The following RYR1 variants were observed in gnomAD, a reference collection of about 807,000 sequenced individuals.
The protein encoded by RYR1 is central core disease of muscle.
RYR1 carries 342 observed loss-of-function variants against 583.5 expected under a neutral mutation model. That is an observed-to-expected ratio of 0.59 (90% confidence interval 0.54 to 0.64). RYR1 has a LOEUF of 0.64. Among genes scored for constraint, RYR1 ranks in the 30% least tolerant of loss-of-function variants. RYR1 has a pLI of 0.00. For synonymous variants in RYR1, 2,791 were observed against 2,822.5 expected, an observed-to-expected ratio of 0.99 and a Z score of 0.35; for missense variants, 6,032 against 6,917.2, an observed-to-expected ratio of 0.87 and a Z score of 4.54.
chr19:38,490,192 T>C lies in RYR1; in HGVS notation c.5931T>C (p.Tyr1977=). The change falls in exon 36 of 106, where the codon TAT becomes TAC. Residue 1977 remains tyrosine, a synonymous_variant. Transcript: ENST00000359596. ...TCCAGGCCAACCAGCGGAGCCGCTA[T>C]GGCCTCCTCATAAAAGCCTTCAGCA... ...DKLQANQRSR[Y]GLLIKAFSMT... The C allele has an allele frequency of 1.2e-6, 2 of 1,614,238 alleles. No individual in the cohort carries two copies.
chr19:38,530,285 T>C (rs1971673364), intron 76 of RYR1, among the ~76,000 whole-genome samples: 1 of 151,406 alleles, frequency 6.6e-6, no homozygotes, highest in Non-Finnish European at 1.5e-5. Context: ...GATCTTGCTC[T>C]TCTTGCCCAG....
rs1329545932 is a variant in RYR1, at chr19:38,492,496, A to C, written c.6134A>C (p.Gln2045Pro). 1 of 1,614,152 alleles carries C rather than the reference A, an allele frequency of 6.2e-7. No homozygotes were observed. ...HQDLLAHCGI[Q>P]LDGEEEEPEE... Reference sequence around the variant, plus strand: ...CCTTCTTGACCACTTCCAGGAATTCAGCTAGATGGAGAGGAGGAGGAACCA... The same window carrying C: ...CCTTCTTGACCACTTCCAGGAATTCCGCTAGATGGAGAGGAGGAGGAACCA... The change falls in exon 38 of 106, where the codon CAG becomes CCG. Residue 2045 changes from glutamine to proline, a missense_variant. Around this residue, in one of 11 missense-constraint regions of RYR1, gnomAD observed 2,627 missense variants for 2,961.3 expected, o/e 0.89. Transcript: ENST00000359596.
intron 78 of RYR1, among the ~76,000 whole-genome samples, chr19:38,533,595 C>T (rs2145739986): frequency 6.6e-6 from 1 of 152,182 alleles, no homozygotes; most frequent in South Asian, 2.1e-4. Flanking sequence ...AGTTCAAGAC[C>T]AGCCTGGCCA....
At position 38,578,180 on chromosome 19, in the gene RYR1, G is replaced by T; in HGVS notation, c.14340G>T (p.Lys4780Asn). 1 of 1,613,852 alleles carries T rather than the reference G, an allele frequency of 6.2e-7. No individual in the cohort carries two copies. The highest frequency in any genetic ancestry group is 1.1e-5 in the South Asian group (1 of 91,040). ...TCGATGTCAAGTACCAGATCTGGAA[G>T]TTCGGGGTCATCTTCACAGACAACG... is the stretch of plus-strand genomic sequence containing the variant. ...MSIDVKYQIW[K>N]FGVIFTDNSF... The change falls in exon 99 of 106, where the codon AAG (lysine) becomes AAT (asparagine). Residue 4780 changes from lysine to asparagine, a missense_variant. Lys to Asn is a moderately conservative substitution (Grantham distance 94). Around this residue, in one of 11 missense-constraint regions of RYR1, gnomAD observed 189 missense variants for 350.3 expected, o/e 0.54. Coordinates refer to ENST00000359596, the MANE Select transcript of RYR1 (RefSeq NM_000540.3).
intron 20 of RYR1, among the ~76,000 whole-genome samples, chr19:38,461,119 A>T (rs546466949): frequency 9.2e-5 from 14 of 151,858 alleles, no homozygotes; most frequent in Non-Finnish European, 1.8e-4. Flanking sequence ...GTGCCACTAC[A>T]CTCCAGCCTG....
chr19:38,449,760 G>C (rs927825536), intron 11 of RYR1, among the ~76,000 whole-genome samples: 2 of 152,208 alleles, frequency 1.3e-5, no homozygotes, highest in Non-Finnish European at 2.9e-5. Flanking sequence ...AGCTTGGCTT[G>C]TTGCAGTAGC....
rs149949301 is a variant in RYR1, at chr19:38,528,659, C to T, written c.10998C>T (p.Asp3666=). 1 of 1,614,066 alleles carries T rather than the reference C, an allele frequency of 6.2e-7. No individual in the cohort carries two copies. Among genetic ancestry groups the T allele is most frequent in the African/African-American group, 1.3e-5 (1 of 74,908 alleles). Residue 3666 remains aspartate, a synonymous_variant, in exon 75 of 106, where the codon GAC becomes GAT. Coordinates refer to ENST00000359596, the MANE Select transcript of RYR1 (RefSeq NM_000540.3). ...SYKAAWILTE[D]HSFEDRMIDD... ...AGGCTGCATGGATCCTGACTGAAGA[C>T]CACAGTTTTGAGGACCGCATGATAG...
At chr19:38,536,831 C>T in intron 83 of RYR1, 64 bp downstream of exon 83, 1 of 1,547,758 alleles carries the variant, frequency 6.5e-7, no homozygotes, top group Non-Finnish European at 8.9e-7. Flanking sequence ...CCCCGTCCAC[C>T]CCTCCACCTA....
chr19:38,514,539 C>T (rs1970870301), intron 63 of RYR1, among the ~76,000 whole-genome samples: 1 of 151,936 alleles, frequency 6.6e-6, no homozygotes, highest in South Asian at 2.1e-4. Context: ...CCTCAGCCTC[C>T]AAAGTGCTGG....
chr19:38,471,994 C>G lies in RYR1; in HGVS notation c.3766-1383C>G, dbSNP rs562000322. 2.8e-3 allele frequency among the ~76,000 whole-genome samples: 425 copies of G among 151,212 alleles called. 2 individuals are homozygous for G. The highest frequency in any genetic ancestry group is 5.1e-3 in the Non-Finnish European group (344 of 67,918). On this transcript the variant is annotated intron_variant, in intron 27 of 105. Coordinates refer to ENST00000359596, the MANE Select transcript of RYR1 (RefSeq NM_000540.3). ...TTGGCTGGCAAGGAGTACCTAGGTTCATCTTGGCAACTGGTCCTTGGAGAG... is the reference window on the plus strand; with the variant it reads ...TTGGCTGGCAAGGAGTACCTAGGTTGATCTTGGCAACTGGTCCTTGGAGAG...
intron 89 of RYR1, among the ~76,000 whole-genome samples, chr19:38,560,062 G>A (rs1054556691): frequency 2.0e-5 from 3 of 152,108 alleles, no homozygotes; most frequent in African/African-American, 7.2e-5. Context: ...CAAGAAAAGT[G>A]TTGTCTGAAA....
Position 38,561,552 on chromosome 19 carries a change from C to A in RYR1, c.12624+98C>A. On this transcript the variant is annotated intron_variant, in intron 90 of 105. Transcript: ENST00000359596. This position sits in a 1 kb window ranked among gnomAD's most constrained non-coding sequence, Gnocchi z 4.8. ...TCAGACCCCACGGGGGCTGTGCGTG[C>A]CTCGCATATCTGCCCTGCTCCGGCA... 1 of 1,169,736 alleles carries A rather than the reference C, an allele frequency of 8.5e-7. No individual in the cohort carries two copies. The highest frequency in any genetic ancestry group is 2.1e-5 in the Admixed American group (1 of 46,694). The allele number at this position is 1,169,736 out of a possible 1,614,324, so 72.5% of individuals were successfully genotyped here.
Position 38,455,654 on chromosome 19 carries a change from G to C in RYR1, c.1694G>C (p.Cys565Ser). Residue 565 changes from cysteine to serine, a missense_variant, in exon 16 of 106, where the codon TGT becomes TCT. Physicochemically the swap from Cys to Ser is moderately radical, Grantham distance 112 (BLOSUM62 -1). This residue lies in a region of RYR1 where 2,627 missense variants were observed against 2,961.3 expected (regional missense o/e 0.89). Coordinates refer to ENST00000359596, the MANE Select transcript of RYR1 (RefSeq NM_000540.3). ...ASSGILEVLY[C>S]VLIESPEVLN... ...GCAGGCATCCTGGAGGTCCTGTACT[G>C]TGTCCTCATTGAGAGTCCAGAGGTT... The C allele has an allele frequency of 6.2e-7, 1 of 1,613,726 alleles. No individual in the cohort carries two copies. The highest frequency in any genetic ancestry group is 8.5e-7 in the Non-Finnish European group (1 of 1,179,674).
At position 38,483,477 on chromosome 19, in the gene RYR1, C is replaced by A; in HGVS notation, c.4895C>A (p.Pro1632Gln). ...GGCTGGGCCGTGCAGTGCCAGGAGC[C>A]GCTGACCATGATGGCGCTGCACATC... ...RLGWAVQCQE[P>Q]LTMMALHIPE... Residue 1632 changes from proline to glutamine, a missense_variant, in exon 33 of 106, where the codon CCG becomes CAG. Physicochemically the swap from Pro to Gln is moderately conservative, Grantham distance 76. This residue lies in a region of RYR1 where 2,627 missense variants were observed against 2,961.3 expected (regional missense o/e 0.89). Coordinates refer to ENST00000359596, the MANE Select transcript of RYR1 (RefSeq NM_000540.3). This position sits in a 1 kb window ranked among gnomAD's most constrained non-coding sequence, Gnocchi z 6.3. 6.4e-7 allele frequency: 1 copy of A among 1,562,224 alleles called. No homozygotes were observed. The highest frequency in any genetic ancestry group is 8.6e-7 in the Non-Finnish European group (1 of 1,157,424).
rs1972038453 is a variant in RYR1 at position 38,537,799 on chromosome 19, G to A, written c.11609-81G>A. 2.4e-6 allele frequency: 3 copies of A among 1,262,874 alleles called. No homozygotes were observed. The South Asian group carries it at 3.6e-5, about 15-fold the overall frequency. The allele number at this position is 1,262,874 out of a possible 1,614,324, so 78.2% of individuals were successfully genotyped here. On this transcript the variant is annotated intron_variant, in intron 83 of 105. Transcript: ENST00000359596. The stretch of plus-strand genomic sequence containing the variant: ...CATGCTTTGTGCATGCGTGTGCAGT[G>A]TGCATGGGCCTTGTGCATGTGTGCG...
At chr19:38,566,869 C>T (rs1242654779) in intron 91 of RYR1, 42 bp from the exon 92 acceptor site, 1 of 1,577,400 alleles carries the variant, frequency 6.3e-7, no homozygotes, top group East Asian at 2.3e-5. Context: ...CTGAGAAGCG[C>T]TTAGGGTGAG....
chr19:38,576,357 G>A (rs1204358745), intron 97 of RYR1, among the ~76,000 whole-genome samples: 2 of 152,116 alleles, frequency 1.3e-5, no homozygotes, highest in African/African-American at 4.8e-5. Context: ...GGCTGAGGTG[G>A]GAGGATCGCT....
At chr19:38,464,571 C>A in intron 22 of RYR1, 68 bp from the exon 23 acceptor site, 1 of 1,361,392 alleles carries the variant, frequency 7.3e-7, no homozygotes, top group Non-Finnish European at 1.0e-6. Context: ...GACCCTGAGG[C>A]CGTGGGAGGA....
rs373940206 is a variant in RYR1 at position 38,455,435 on chromosome 19, C to T, written c.1577-16C>T. On this transcript the variant is annotated splice_polypyrimidine_tract_variant and intron_variant, in intron 14 of 105. Coordinates refer to ENST00000359596, the MANE Select transcript of RYR1 (RefSeq NM_000540.3). ...ATCCCCAGTCCTATTGGATCTGACACCTCTTCCCCCCTCAGCTTCTCTAAT... is the reference window on the plus strand; with the variant it reads ...ATCCCCAGTCCTATTGGATCTGACATCTCTTCCCCCCTCAGCTTCTCTAAT... The T allele has an allele frequency of 6.6e-5, 107 of 1,614,006 alleles. No individual in the cohort carries two copies. Among genetic ancestry groups the T allele is most frequent in the Non-Finnish European group, 8.6e-5 (101 of 1,179,996 alleles).
Sources: gnomAD v4.1 joint callset for allele counts (sites outside exome capture counted in the v4.1 genomes callset) on GRCh38, gnomAD v4.1.1 for gene constraint, gnomAD v4.1.1 regional missense constraint, Gnocchi (gnomAD v3.1) non-coding constraint, MANE v1.5 for transcripts, NCBI Gene and HGNC (gene_info 2026-07-23, HGNC 2026-07-21) for gene names.